TRIP12: variants seen among roughly 807,000 people sequenced by gnomAD.
TRIP12 encodes E3 ubiquitin-protein ligase TRIP12.
TRIP12 carries 25 observed loss-of-function variants against 244.2 expected under a neutral mutation model. That is an observed-to-expected ratio of 0.10 (90% CI 0.07 to 0.14). The LOEUF is 0.14. Among genes scored for constraint, TRIP12 ranks in the 10% least tolerant of loss-of-function variants. TRIP12 has a pLI of 1.00. For missense variants in TRIP12, 1,677 were observed against 2,486.4 expected (o/e 0.67, Z 6.92); for synonymous variants, 905 against 873.1 (o/e 1.04, Z -0.64).
At chr2:229,782,293 TC>T (rs1384083765) in intron 34 of TRIP12, among the ~76,000 whole-genome samples, 1 of 151,878 alleles carries the variant, frequency 6.6e-6, no homozygotes, top group African/African-American at 2.4e-5. Flanking sequence ...CTCCTTTCTA[TC>T]CCCCTTCTCC....
In TRIP12 at chr2:229,859,035, G is replaced by C. The variant is rs1189276326; in HGVS notation, c.764C>G (p.Ser255Cys). 6.2e-7 allele frequency: 1 copy of C among 1,614,116 alleles called. No homozygotes were observed. Among genetic ancestry groups the C allele is most frequent in the East Asian group, 2.2e-5 (1 of 44,902 alleles). ...SSSSSAVASA[S>C]STVPPGARVK... The stretch of plus-strand genomic sequence containing the variant: ...TCTGGCACCTGGTGGTACAGTGGAG[G>C]AGGCCGAGGCTACAGCAGAAGACGA... The change falls in exon 4 of 42, where the codon TCC (serine) becomes TGC (cysteine). Residue 255 changes from serine to cysteine, a missense_variant. By Grantham distance (112) the Ser-to-Cys change is moderately radical. Transcript: ENST00000675903.
chr2:229,900,135 C>T (rs2070238217), intron 1 of TRIP12, among the ~76,000 whole-genome samples: 1 of 152,170 alleles, frequency 6.6e-6, no homozygotes, highest in African/African-American at 2.4e-5. Context: ...GACTGTTATA[C>T]AAAGGAAGCT....
Position 229,865,828 on chromosome 2 carries a change from G to A in TRIP12, c.99-5297C>T, listed in dbSNP as rs57946281. 4.9e-3 allele frequency among the ~76,000 whole-genome samples: 745 copies of A among 152,162 alleles called. 7 individuals are homozygous for A. The highest frequency in any genetic ancestry group is 0.017 in the African/African-American group (713 of 41,510). ...AACTCACTAATGTTCCCTGTAAAACGCACTGTTTTTCTATTTCTATTACAA... is the reference window on the plus strand; with the variant it reads ...AACTCACTAATGTTCCCTGTAAAACACACTGTTTTTCTATTTCTATTACAA... On this transcript the variant is annotated intron_variant, in intron 2 of 41. Coordinates refer to ENST00000675903, the MANE Select transcript of TRIP12 (RefSeq NM_001348323.3).
intron 17 of TRIP12, chr2:229,807,486 C>T (rs1478938329): frequency 1.9e-5 from 11 of 576,550 alleles, no homozygotes; most frequent in Non-Finnish European, 3.1e-5. Flanking sequence ...AAATTACTTG[C>T]TCCAAGTCAA....
intron 4 of TRIP12, among the ~76,000 whole-genome samples, chr2:229,848,290 G>T (rs1237780027): frequency 2.6e-5 from 4 of 151,502 alleles, no homozygotes; most frequent in Non-Finnish European, 5.9e-5. Context: ...TTCCTAACAT[G>T]AAAGACAAAA....
chr2:229,876,100 C>T (rs562493976), intron 2 of TRIP12, among the ~76,000 whole-genome samples: 1 of 152,164 alleles, frequency 6.6e-6, no homozygotes, highest in African/African-American at 2.4e-5. Context: ...ATAGTGAAAC[C>T]TCGTCTTTAC....
chr2:229,768,204 G>C (rs1473499666), intron 41 of TRIP12, among the ~76,000 whole-genome samples: 5 of 152,330 alleles, frequency 3.3e-5, no homozygotes, highest in Middle Eastern at 3.4e-3. Flanking sequence ...AGAGGTTGCA[G>C]TGAGCCAAGA....
chr2:229,907,303 T>C (rs566555331), intron 1 of TRIP12, among the ~76,000 whole-genome samples: 2 of 152,352 alleles, frequency 1.3e-5, no homozygotes, highest in East Asian at 3.9e-4. Flanking sequence ...CTGAAAAGTA[T>C]GTATTTTCTA....
chr2:229,768,851 G>GTACT (rs1181930784), intron 40 of TRIP12, 132 bp from the exon 41 acceptor site: 24 of 773,628 alleles, frequency 3.1e-5, no homozygotes, highest in Non-Finnish European at 2.7e-5. Context: ...CCATTACAAT[G>GTACT]TACTTAAATT....
intron 37 of TRIP12, among the ~76,000 whole-genome samples, chr2:229,776,015 A>G (rs2036144837): frequency 1.3e-5 from 2 of 152,172 alleles, no homozygotes; most frequent in Non-Finnish European, 2.9e-5. Flanking sequence ...GGCATACTGC[A>G]TTTGAGACAA....
At position 229,797,678 on chromosome 2, in the gene TRIP12, T is replaced by C; in HGVS notation, c.3624+12A>G. 6.2e-7 allele frequency: 1 copy of C among 1,612,198 alleles called. No homozygotes were observed. The highest frequency in any genetic ancestry group is 8.5e-7 in the Non-Finnish European group (1 of 1,179,200). ...ACTGAAAAAGACCAGCAAAATGCAC[T>C]GGACACAGCACCTGGAGGTTGAGTT... On this transcript the variant is annotated intron_variant, in intron 24 of 41. Transcript: ENST00000675903.
At chr2:229,847,402 T>G (rs1374211271) in intron 4 of TRIP12, among the ~76,000 whole-genome samples, 4 of 152,340 alleles carry the variant, frequency 2.6e-5, no homozygotes, top group Non-Finnish European at 4.4e-5. Flanking sequence ...CTTTTGCATA[T>G]GCCTAGCGAA....
chr2:229,813,033 C>T (rs2047648996), intron 13 of TRIP12, among the ~76,000 whole-genome samples: 1 of 152,146 alleles, frequency 6.6e-6, no homozygotes, highest in Non-Finnish European at 1.5e-5. Flanking sequence ...TCACCATCCC[C>T]GGCCCATAAA....
chr2:229,846,168 A>T (rs1435236571), intron 4 of TRIP12, among the ~76,000 whole-genome samples: 1 of 152,190 alleles, frequency 6.6e-6, no homozygotes, highest in African/African-American at 2.4e-5. Context: ...AGGGTTGGAA[A>T]AAAATTGACT....
chr2:229,906,569 A>T (rs2072885588), intron 1 of TRIP12, among the ~76,000 whole-genome samples: 1 of 151,236 alleles, frequency 6.6e-6, no homozygotes, highest in African/African-American at 2.4e-5. Flanking sequence ...AAACTACAAA[A>T]ATTAGCTGGG....
intron 32 of TRIP12, 111 bp from the exon 33 acceptor site, chr2:229,787,772 A>G: frequency 9.8e-7 from 1 of 1,018,270 alleles, no homozygotes; most frequent in Non-Finnish European, 1.4e-6. Context: ...AGAAAATTGT[A>G]AATAAAATCA....
intron 25 of TRIP12, among the ~76,000 whole-genome samples, chr2:229,796,371 A>C (rs1575120601): frequency 6.6e-6 from 1 of 152,224 alleles, no homozygotes; most frequent in South Asian, 2.1e-4. Flanking sequence ...AGATACTTCA[A>C]TCATAGAAAT....
intron 1 of TRIP12, 171 bp downstream of exon 1, chr2:229,921,709 C>CCCG (rs1248636524): frequency 6.6e-6 from 1 of 152,092 alleles, no homozygotes; most frequent in Non-Finnish European, 1.5e-5. Flanking sequence ...CTTCCGCGGC[C>CCCG]CCGCCGCCGC....
rs577434982 is a variant in TRIP12 at position 229,908,706 on chromosome 2, C to G, written c.-50+13174G>C. ...CGAGATTGCGCCACTACACTCCAGC[C>G]TGGGTGACAGAGGGAGACTCCGTCT... On this transcript the variant is annotated intron_variant, in intron 1 of 41. Transcript: ENST00000675903. Among the ~76,000 whole-genome samples the G allele has an allele frequency of 1.9e-3, 289 of 151,490 alleles. 1 individual carries two copies. Among genetic ancestry groups the G allele is most frequent in the Middle Eastern group, 6.8e-3 (2 of 294 alleles).
Sources: gnomAD v4.1 joint callset for allele counts (sites outside exome capture counted in the v4.1 genomes callset) on GRCh38, gnomAD v4.1.1 for gene constraint, MANE v1.5 for transcripts, NCBI Gene and HGNC (gene_info 2026-07-23, HGNC 2026-07-21) for gene names.